The following ADCY2 variants were observed in gnomAD, a reference collection of about 807,000 sequenced individuals.
ADCY2 encodes adenylate cyclase 2.
Under a neutral mutation model 125.2 loss-of-function variants are expected in ADCY2, and 31 were observed. The observed-to-expected ratio is 0.25, with a 90% CI of 0.19 to 0.33. The LOEUF (loss-of-function observed/expected upper bound fraction) is 0.33. Ranked by LOEUF, ADCY2 falls within the 10% of genes least tolerant of loss-of-function variation. The pLI is 1.00. For missense variants in ADCY2, 904 were observed against 1,418.2 expected, an observed-to-expected ratio of 0.64 and a Z score of 5.82; for synonymous variants, 512 against 548.4, an observed-to-expected ratio of 0.93 and a Z score of 0.93.
chr5:7,639,537 C>T (rs141890817), intron 4 of ADCY2, among the ~76,000 whole-genome samples: 1 of 152,116 alleles, frequency 6.6e-6, no homozygotes, highest in Non-Finnish European at 1.5e-5. Flanking sequence ...TACTCCTGAT[C>T]GTTTTTAGCA....
chr5:7,707,532 G>A (rs920746315), intron 8 of ADCY2, among the ~76,000 whole-genome samples, 174 bp from the exon 9 acceptor site: 2 of 152,194 alleles, frequency 1.3e-5, no homozygotes, highest in African/African-American at 2.4e-5. Context: ...AGTAGTGCAC[G>A]ACCTCTAAGA....
rs551232310 is a variant in ADCY2 at position 7,724,706 on chromosome 5, T to C, written c.1773+92T>C. 6 of 899,090 alleles carry C rather than the reference T, an allele frequency of 6.7e-6. No individual in the cohort carries two copies. In the East Asian group the frequency reaches 1.5e-4, roughly 23 times the overall value. 55.7% of individuals were successfully genotyped at this position (899,090 alleles called of 1,614,324 possible). On this transcript the variant is annotated intron_variant, in intron 13 of 24. Transcript: ENST00000338316. ...GTGCTCATGTTTTTTATATGTGACA[T>C]TTAAACTGCCTCTGACTATATTCGA...
chr5:7,525,001 A>C (rs1381882273), intron 3 of ADCY2, among the ~76,000 whole-genome samples: 1 of 151,658 alleles, frequency 6.6e-6, no homozygotes, highest in Admixed American at 6.6e-5. Context: ...TATTTTATTT[A>C]TTTATTTATT....
chr5:7,582,535 TA>T (rs1309481986), intron 3 of ADCY2, among the ~76,000 whole-genome samples: 2 of 152,052 alleles, frequency 1.3e-5, no homozygotes, highest in African/African-American at 4.8e-5. Context: ...TCTTAGCAAA[TA>T]AAATCCACCA....
chr5:7,662,162 C>G (rs1739555724), intron 4 of ADCY2, among the ~76,000 whole-genome samples: 1 of 152,140 alleles, frequency 6.6e-6, no homozygotes, highest in Non-Finnish European at 1.5e-5. Context: ...ACAACACACA[C>G]AAACACCAAA....
chr5:7,516,265 G>A (rs1457328634), intron 2 of ADCY2, among the ~76,000 whole-genome samples: 1 of 152,178 alleles, frequency 6.6e-6, no homozygotes, highest in Non-Finnish European at 1.5e-5. Context: ...GGCCCATGAT[G>A]TATAGTTGAT....
chr5:7,692,551 G>A (rs938244982), intron 5 of ADCY2, among the ~76,000 whole-genome samples: 3 of 152,160 alleles, frequency 2.0e-5, no homozygotes, highest in African/African-American at 7.2e-5. Context: ...TACAATTATA[G>A]AAGAAACATT....
At chr5:7,561,220 A>T (rs1240900780) in intron 3 of ADCY2, among the ~76,000 whole-genome samples, 1 of 152,108 alleles carries the variant, frequency 6.6e-6, no homozygotes. Flanking sequence ...AAATATTGTC[A>T]TGAATTGTTT....
intron 9 of ADCY2, 144 bp downstream of exon 9, chr5:7,707,982 T>C: frequency 1.2e-6 from 1 of 848,660 alleles, no homozygotes; most frequent in African/African-American, 1.7e-5. Context: ...GTGGTTTAAT[T>C]ACAGAAGATG....
At chr5:7,486,013 A>G (rs2126480645) in intron 2 of ADCY2, among the ~76,000 whole-genome samples, 1 of 152,304 alleles carries the variant, frequency 6.6e-6, no homozygotes, top group African/African-American at 2.4e-5. Flanking sequence ...ATAAAACACG[A>G]CATTCTTATA....
At chr5:7,486,649 A>G (rs191922112) in intron 2 of ADCY2, among the ~76,000 whole-genome samples, 10 of 152,066 alleles carry the variant, frequency 6.6e-5, no homozygotes, top group Admixed American at 1.3e-4. Flanking sequence ...GCTTAGCTTC[A>G]CCTTGCTCAC....
At chr5:7,712,057 C>T (rs113893450) in intron 10 of ADCY2, among the ~76,000 whole-genome samples, 1,779 of 152,268 alleles carry the variant, frequency 0.012, 40 homozygotes, top group African/African-American at 0.041. Flanking sequence ...TTGAATAATA[C>T]AGTACTTTAC....
At chr5:7,620,361 T>C (rs192232634) in intron 3 of ADCY2, among the ~76,000 whole-genome samples, 21 of 152,260 alleles carry the variant, frequency 1.4e-4, no homozygotes, top group Non-Finnish European at 1.5e-5. Flanking sequence ...ATAACATCCA[T>C]TGTTGAGATT....
At chr5:7,824,186 G>A (rs1253667940) in intron 24 of ADCY2, among the ~76,000 whole-genome samples, 1 of 152,104 alleles carries the variant, frequency 6.6e-6, no homozygotes, top group East Asian at 1.9e-4. Context: ...TGAGGAACGG[G>A]TTCTTTTTAT....
At chr5:7,704,833 A>G (rs112509454) in intron 7 of ADCY2, among the ~76,000 whole-genome samples, 69 of 151,088 alleles carry the variant, frequency 4.6e-4, no homozygotes, top group African/African-American at 1.6e-3. Context: ...AGCCGAGATC[A>G]CGCCACTGCA....
chr5:7,625,565 A>G (rs1474994066), intron 3 of ADCY2, among the ~76,000 whole-genome samples: 1 of 152,220 alleles, frequency 6.6e-6, no homozygotes, highest in Non-Finnish European at 1.5e-5. Flanking sequence ...ATAATGAGTT[A>G]TATGTTTTGA....
At chr5:7,670,744 G>A (rs552245552) in intron 4 of ADCY2, among the ~76,000 whole-genome samples, 4 of 152,076 alleles carry the variant, frequency 2.6e-5, no homozygotes, top group Non-Finnish European at 5.9e-5. Flanking sequence ...GATCCCTCCC[G>A]TGCACAGTTT....
intron 2 of ADCY2, among the ~76,000 whole-genome samples, chr5:7,507,344 G>A (rs1743866783): frequency 7.3e-6 from 1 of 137,398 alleles, no homozygotes; most frequent in Non-Finnish European, 1.6e-5. Flanking sequence ...GGGAGGCTGA[G>A]GCAGGAGAAT....
chr5:7,810,774 C>T (rs1488877835), intron 22 of ADCY2, among the ~76,000 whole-genome samples: 1 of 152,160 alleles, frequency 6.6e-6, no homozygotes, highest in Non-Finnish European at 1.5e-5. Context: ...GTTCTCTCCA[C>T]TACTATAGTC....
Sources: allele counts gnomAD v4.1 joint callset (sites outside exome capture counted in the v4.1 genomes callset), GRCh38; gene constraint gnomAD v4.1.1; transcripts MANE v1.5; gene names NCBI Gene and HGNC (gene_info 2026-07-23, HGNC 2026-07-21).